The following UBE2V2 variants were observed in gnomAD, a reference collection of about 807,000 sequenced individuals.
UBE2V2 encodes ubiquitin conjugating enzyme E2 V2.
UBE2V2 carries 9 observed loss-of-function variants against 17.2 expected under a neutral mutation model. The observed-to-expected ratio is 0.52, with a 90% CI of 0.32 to 0.91. The LOEUF is 0.91. Ranked by LOEUF, UBE2V2 falls within the 40% of genes least tolerant of loss-of-function variation. The probability of loss-of-function intolerance (pLI) is 0.04; values close to 1 mark genes in which losing one functional copy is unlikely to be tolerated. For synonymous variants in UBE2V2, 61 were observed against 57.5 expected (o/e 1.06, Z -0.28); for missense variants, 133 against 182.6 (o/e 0.73, Z 1.56).
upstream of UBE2V2, chr8:48,008,330 TC>T: frequency 1.5e-6 from 2 of 1,316,726 alleles, no homozygotes; most frequent in Non-Finnish European, 1.9e-6. Context: ...GCGCTGTCCC[TC>T]GGGTCGCCCC....
Position 48,049,863 on chromosome 8 carries a change from A to G in UBE2V2, c.176A>G (p.Glu59Gly). The G allele has an allele frequency of 6.3e-7, 1 of 1,592,142 alleles. No individual in the cohort carries two copies. Among genetic ancestry groups the G allele is most frequent in the Non-Finnish European group, 8.5e-7 (1 of 1,172,794 alleles). ...MIIGPPRTNY[E>G]NRIYSLKVEC... ...TTTTTTGCCTTCCAGACAAATTATG[A>G]AAACAGAATATATAGCCTGAAAGTA... is the stretch of plus-strand genomic sequence containing the variant. The change falls in exon 3 of 4, where the codon GAA becomes GGA. Residue 59 changes from glutamate to glycine, a missense_variant. This residue lies in a region of UBE2V2 where 92 missense variants were observed against 124.3 expected (regional missense o/e 0.74). Transcript: ENST00000523111.
chr8:48,035,526 C>A (rs1008842588), intron 1 of UBE2V2, among the ~76,000 whole-genome samples: 5 of 151,442 alleles, frequency 3.3e-5, no homozygotes, highest in African/African-American at 1.2e-4. Context: ...TCACAGCACT[C>A]TGCAGGCATT....
At chr8:48,031,865 C>T (rs1209124303) in intron 1 of UBE2V2, among the ~76,000 whole-genome samples, 3 of 152,108 alleles carry the variant, frequency 2.0e-5, no homozygotes, top group African/African-American at 7.2e-5. Context: ...CCAGGATGGT[C>T]TCAATCTCCT....
At chr8:48,050,769 T>A (rs1463573288) in intron 3 of UBE2V2, among the ~76,000 whole-genome samples, 1 of 152,146 alleles carries the variant, frequency 6.6e-6, no homozygotes, top group Non-Finnish European at 1.5e-5. Context: ...TTGGTGGGAT[T>A]AAAAGGATGA....
rs148174914 is a variant in UBE2V2 at position 48,038,335 on chromosome 8, T to C, written c.17-4698T>C. Reference sequence around the variant, plus strand: ...ATTATTTGTATTTATTTATTTATTTTGAGACAGAGTCGGACTCCGTCACCC... The same window carrying C: ...ATTATTTGTATTTATTTATTTATTTCGAGACAGAGTCGGACTCCGTCACCC... On this transcript the variant is annotated intron_variant, in intron 1 of 3. Coordinates refer to ENST00000523111, the MANE Select transcript of UBE2V2 (RefSeq NM_003350.3). 8.9e-3 allele frequency among the ~76,000 whole-genome samples: 1,348 copies of C among 152,286 alleles called. 8 individuals are homozygous for C. Among genetic ancestry groups the C allele is most frequent in the Middle Eastern group, 0.031 (9 of 294 alleles).
rs771280050 is a variant in UBE2V2, at chr8:48,046,942, C to CT, written c.166-2896dup. 8.3e-3 allele frequency among the ~76,000 whole-genome samples: 1,165 copies of CT among 139,750 alleles called. 6 individuals are homozygous for CT. Among genetic ancestry groups the CT allele is most frequent in the South Asian group, 0.028 (125 of 4,394 alleles). 91.7% of individuals were successfully genotyped at this position (139,750 alleles called of 152,430 possible). A position where few individuals can be genotyped will look rare whatever the true frequency, so the allele number is the denominator to read the frequency against. On this transcript the variant is annotated intron_variant, in intron 2 of 3. Transcript: ENST00000523111. ...TTGTACTTTATTGACTAAGGTCCCT[C>CT]TTTTTTTTTTTTTTTGAGATGGAGC...
chr8:48,040,678 G>A (rs1286979934), intron 1 of UBE2V2, among the ~76,000 whole-genome samples: 3 of 151,594 alleles, frequency 2.0e-5, no homozygotes, highest in East Asian at 1.9e-4. Flanking sequence ...TCTGTCTCCC[G>A]GGCAGGGGCT....
At chr8:48,041,057 G>C (rs1447719591) in intron 1 of UBE2V2, among the ~76,000 whole-genome samples, 2 of 151,356 alleles carry the variant, frequency 1.3e-5, no homozygotes, top group East Asian at 1.9e-4. Context: ...CTAGAGACAG[G>C]GTTTCACCGT....
Position 48,035,054 on chromosome 8 carries a change from C to T in UBE2V2, c.17-7979C>T, listed in dbSNP as rs980630407. 5 of 983,640 alleles carry T rather than the reference C, an allele frequency of 5.1e-6. No homozygotes were observed. In the African/African-American group the frequency reaches 5.3e-5, roughly 10 times the overall value. The allele number at this position is 983,640 out of a possible 1,614,324, so 60.9% of individuals were successfully genotyped here. On this transcript the variant is annotated intron_variant, in intron 1 of 3. Coordinates refer to ENST00000523111, the MANE Select transcript of UBE2V2 (RefSeq NM_003350.3). Reference sequence around the variant, plus strand: ...AACGAAAGCAGAAGTTAGCATTCCTCTTACAAGGTGAGTGCCAGAACTGGC... The same window carrying T: ...AACGAAAGCAGAAGTTAGCATTCCTTTTACAAGGTGAGTGCCAGAACTGGC...
chr8:48,031,833 G>A (rs772008927), intron 1 of UBE2V2, among the ~76,000 whole-genome samples: 7 of 152,068 alleles, frequency 4.6e-5, no homozygotes, highest in Non-Finnish European at 1.0e-4. Flanking sequence ...TTTTAGTAGA[G>A]ACGGGGGTTT....
the UBE2V2 span, among the ~76,000 whole-genome samples, chr8:48,000,276 C>T: frequency 6.6e-6 from 1 of 152,210 alleles, no homozygotes; most frequent in Admixed American, 6.5e-5. Flanking sequence ...GATGTAATCA[C>T]TTATCATGAC....
chr8:48,019,050 G>A (rs951212106), intron 1 of UBE2V2, among the ~76,000 whole-genome samples: 4 of 151,902 alleles, frequency 2.6e-5, no homozygotes, highest in African/African-American at 9.7e-5. Flanking sequence ...GGCCAACATG[G>A]CGAAATCCCA....
At chr8:48,048,043 A>G (rs1044667066) in intron 2 of UBE2V2, among the ~76,000 whole-genome samples, 1 of 146,210 alleles carries the variant, frequency 6.8e-6, no homozygotes, top group Non-Finnish European at 1.5e-5. Flanking sequence ...TAGAATTTAC[A>G]TGTAGTGAAA....
intron 3 of UBE2V2, among the ~76,000 whole-genome samples, chr8:48,054,887 C>T (rs1009249380): frequency 1.3e-5 from 2 of 151,342 alleles, no homozygotes; most frequent in South Asian, 4.2e-4. Flanking sequence ...CTCTTTACTG[C>T]GTCCTCTCTC....
At chr8:48,000,691 G>A in the UBE2V2 span, among the ~76,000 whole-genome samples, 11 of 151,874 alleles carry the variant, frequency 7.2e-5, no homozygotes, top group African/African-American at 2.4e-4. Context: ...GTATGGAGGC[G>A]GGCACCTGTA....
intron 1 of UBE2V2, among the ~76,000 whole-genome samples, chr8:48,023,340 T>C (rs968666842): frequency 6.6e-6 from 1 of 151,882 alleles, no homozygotes; most frequent in Non-Finnish European, 1.5e-5. Context: ...CTCAGCCTCC[T>C]GAGTAGCTGT....
At chr8:48,057,418 C>T (rs558116992) in intron 3 of UBE2V2, among the ~76,000 whole-genome samples, 22 of 152,186 alleles carry the variant, frequency 1.4e-4, no homozygotes, top group Admixed American at 5.9e-4. Context: ...TCCTGTGTCT[C>T]GGCCTCCCAA....
At chr8:48,028,779 C>G (rs1223500107) in intron 1 of UBE2V2, among the ~76,000 whole-genome samples, 1 of 152,166 alleles carries the variant, frequency 6.6e-6, no homozygotes, top group Non-Finnish European at 1.5e-5. Flanking sequence ...AGCTACTGCA[C>G]CCGACCCCTT....
At chr8:48,034,931 C>G (rs1022063316) in intron 1 of UBE2V2, 3 of 786,360 alleles carry the variant, frequency 3.8e-6, no homozygotes, top group South Asian at 1.2e-4. Context: ...CCTTGCTCCC[C>G]CTCCCTGCAG....
Sources: allele counts gnomAD v4.1 joint callset (sites outside exome capture counted in the v4.1 genomes callset), GRCh38; gene constraint gnomAD v4.1.1; regional missense constraint gnomAD v4.1.1; transcripts MANE v1.5; gene names NCBI Gene and HGNC (gene_info 2026-07-23, HGNC 2026-07-21).